The following C13orf46 variants were observed in gnomAD, a reference collection of about 807,000 sequenced individuals.
C13orf46 encodes chromosome 13 open reading frame 46, also known as uncharacterized protein C13orf46.
rs981649280 is a variant in C13orf46, at chr13:113,956,848, C to T, written c.573-9G>A. 113 of 152,422 alleles carry T rather than the reference C, an allele frequency of 7.4e-4. No individual in the cohort carries two copies. Among genetic ancestry groups the T allele is most frequent in the African/African-American group, 2.6e-3 (106 of 41,552 alleles). The allele number at this position is 152,422 out of a possible 1,614,324, so 9.4% of individuals were successfully genotyped here. On this transcript the variant is annotated splice_polypyrimidine_tract_variant and intron_variant, in intron 6 of 6. Transcript: ENST00000636427. ...CCCAGCTGGTCTGCATCCTGCAGGG[C>T]GAGAGGAGGGCAGGTGGGTGAGAAA...
the C13orf46 span, among the ~76,000 whole-genome samples, chr13:113,936,624 A>ACAT: frequency 2.4e-4 from 37 of 152,198 alleles, no homozygotes; most frequent in Admixed American, 1.2e-3. Flanking sequence ...ATTGTTACTC[A>ACAT]CATCAGCCTC....
chr13:113,952,573 A>C (rs1308243563), downstream of C13orf46, among the ~76,000 whole-genome samples: 1 of 152,166 alleles, frequency 6.6e-6, no homozygotes, highest in East Asian at 1.9e-4. Context: ...TGAGGATAAA[A>C]CTGAGGCAGA....
chr13:113,961,316 A>C (rs2052584770), intron 6 of C13orf46, among the ~76,000 whole-genome samples: 2 of 151,918 alleles, frequency 1.3e-5, no homozygotes, highest in Admixed American at 6.6e-5. Flanking sequence ...TATCAGTCAT[A>C]ATTTTGATAA....
intron 1 of C13orf46, among the ~76,000 whole-genome samples, chr13:113,972,967 G>A (rs543551567): frequency 8.5e-5 from 13 of 152,192 alleles, no homozygotes; most frequent in Non-Finnish European, 1.5e-4. Context: ...GGTGGGTTAC[G>A]GGTGTGGACC....
At chr13:113,972,275 C>T (rs1299004170) in intron 1 of C13orf46, among the ~76,000 whole-genome samples, 2 of 152,338 alleles carry the variant, frequency 1.3e-5, no homozygotes, top group East Asian at 1.9e-4. Flanking sequence ...GAGGGAACCC[C>T]GTGGGGAGGG....
At chr13:113,944,354 CCTG>C in the C13orf46 span, among the ~76,000 whole-genome samples, 1 of 152,226 alleles carries the variant, frequency 6.6e-6, no homozygotes, top group Non-Finnish European at 1.5e-5. Flanking sequence ...CTGAGGCCAT[CCTG>C]CTGCCTGCCA....
the C13orf46 span, among the ~76,000 whole-genome samples, chr13:113,936,014 T>G: frequency 6.6e-6 from 1 of 152,246 alleles, no homozygotes; most frequent in African/African-American, 2.4e-5. Context: ...TCCATTAAGT[T>G]CAAAGTTCTC....
the C13orf46 span, among the ~76,000 whole-genome samples, chr13:113,935,667 G>A: frequency 1.3e-5 from 2 of 152,228 alleles, no homozygotes; most frequent in Non-Finnish European, 2.9e-5. Context: ...GGTTACCCAC[G>A]GCAACCATTG....
In C13orf46 at chr13:113,956,758, ACCC is replaced by A; in HGVS notation, c.*12_*14del. On this transcript the variant is annotated 3_prime_UTR_variant, in exon 7 of 7. Coordinates refer to ENST00000636427, the MANE Select transcript of C13orf46 (RefSeq NM_001365455.2). ...TCCTCTTCTTCGCCAAGCTCTGAGC[ACCC>A]TCTCCGGGGCGCTAGGTGCTCTCCT... The A allele has an allele frequency of 6.6e-6, 1 of 152,268 alleles. No individual in the cohort carries two copies. The highest frequency in any genetic ancestry group is 1.9e-4 in the East Asian group (1 of 5,154). 9.4% of individuals were successfully genotyped at this position (152,268 alleles called of 1,614,324 possible).
rs1300055609 is a variant in C13orf46, at chr13:113,955,218, T to A, written c.*1555A>T. On this transcript the variant is annotated 3_prime_UTR_variant, in exon 7 of 7. Coordinates refer to ENST00000636427, the MANE Select transcript of C13orf46 (RefSeq NM_001365455.2). ...GAGCATCCCGTGGAGACGAGGAGCA[T>A]CCCGTGGAGACGAGGAGCATCTGGC... 21 of 156,540 alleles carry A rather than the reference T, an allele frequency of 1.3e-4. No homozygotes were observed. The highest frequency in any genetic ancestry group is 3.3e-4 in the Admixed American group (4 of 12,240). 9.7% of individuals were successfully genotyped at this position (156,540 alleles called of 1,614,324 possible). A position where few individuals can be genotyped will look rare whatever the true frequency, so the allele number is the denominator to read the frequency against.
At chr13:113,942,903 G>A in the C13orf46 span, among the ~76,000 whole-genome samples, 1 of 152,334 alleles carries the variant, frequency 6.6e-6, no homozygotes, top group East Asian at 1.9e-4. Context: ...GGTGAGGTGG[G>A]AGCCAGGTGG....
chr13:113,950,722 G>A (rs2052485321), downstream of C13orf46, among the ~76,000 whole-genome samples: 1 of 152,186 alleles, frequency 6.6e-6, no homozygotes, highest in African/African-American at 2.4e-5. Flanking sequence ...CAGGGCCCTG[G>A]GCAGCTTTCT....
chr13:113,965,845 A>ATGG (rs1349712387), intron 5 of C13orf46, among the ~76,000 whole-genome samples: 1 of 122,072 alleles, frequency 8.2e-6, no homozygotes, highest in Non-Finnish European at 1.8e-5. Flanking sequence ...GATGGTGATG[A>ATGG]TGGTGATGGT....
At chr13:113,932,509 C>G in the C13orf46 span, among the ~76,000 whole-genome samples, 1 of 152,220 alleles carries the variant, frequency 6.6e-6, no homozygotes, top group African/African-American at 2.4e-5. Flanking sequence ...GTGCTTCTGT[C>G]TGTTAATATA....
At chr13:113,951,808 C>T (rs949940066), downstream of C13orf46, among the ~76,000 whole-genome samples, 21 of 152,354 alleles carry the variant, frequency 1.4e-4, no homozygotes, top group Admixed American at 2.0e-4. Context: ...CGACTGTCTA[C>T]GACGCCCAGA....
At chr13:113,930,933 C>T in the C13orf46 span, among the ~76,000 whole-genome samples, 17 of 152,194 alleles carry the variant, frequency 1.1e-4, no homozygotes, top group South Asian at 4.1e-4. Flanking sequence ...GGGTGGGTCA[C>T]GGCCTCCAGG....
At chr13:113,962,985 G>A (rs1226375629) in intron 6 of C13orf46, among the ~76,000 whole-genome samples, 1 of 152,166 alleles carries the variant, frequency 6.6e-6, no homozygotes, top group African/African-American at 2.4e-5. Flanking sequence ...CAATGTTCTC[G>A]AGGACTTTCT....
At chr13:113,964,871 G>C (rs1197413286) in intron 6 of C13orf46, 56 bp downstream of exon 6, 1 of 152,234 alleles carries the variant, frequency 6.6e-6, no homozygotes, top group Non-Finnish European at 1.5e-5. Flanking sequence ...CAGAGACCGT[G>C]GTGGGGGGAA....
rs1179974048 is a variant in C13orf46 at position 113,953,897 on chromosome 13, C to A, written c.*2876G>T. On this transcript the variant is annotated 3_prime_UTR_variant, in exon 7 of 7. Transcript: ENST00000636427. ...CTGCCCGGCAGCCTGTCCAGGACAGCCCGTCCAGGGCCCATTTCCGGTTGT... is the reference window on the plus strand; with the variant it reads ...CTGCCCGGCAGCCTGTCCAGGACAGACCGTCCAGGGCCCATTTCCGGTTGT... 6.6e-6 allele frequency: 1 copy of A among 152,298 alleles called. No homozygotes were observed. Among genetic ancestry groups the A allele is most frequent in the Non-Finnish European group, 1.5e-5 (1 of 68,070 alleles). The allele number at this position is 152,298 out of a possible 1,614,324, so 9.4% of individuals were successfully genotyped here. A position where few individuals can be genotyped will look rare whatever the true frequency, so the allele number is the denominator to read the frequency against.
Sources: allele counts gnomAD v4.1 joint callset (sites outside exome capture counted in the v4.1 genomes callset), GRCh38; gene constraint gnomAD v4.1.1; transcripts MANE v1.5; gene names NCBI Gene and HGNC (gene_info 2026-07-23, HGNC 2026-07-21).